The following ARHGEF2 variants were observed in gnomAD, a reference collection of about 807,000 sequenced individuals.
The protein encoded by ARHGEF2 is rho guanine nucleotide exchange factor 2.
ARHGEF2 carries 22 observed loss-of-function variants against 121.0 expected under a neutral mutation model. The ratio of observed to expected loss-of-function variants is 0.18; its 90% CI spans 0.13 to 0.26. ARHGEF2 has a LOEUF of 0.26. ARHGEF2 is among the 10% of genes least tolerant of loss of function. The pLI, the probability that ARHGEF2 is intolerant of heterozygous loss-of-function variation, is 1.00. For missense variants in ARHGEF2, 907 were observed against 1,336.0 expected (o/e 0.68, Z 5.01); for synonymous variants, 487 against 530.0 (o/e 0.92, Z 1.11).
In ARHGEF2 at chr1:155,948,007, T is replaced by C; in HGVS notation, c.2896A>G (p.Arg966Gly). The C allele has an allele frequency of 6.4e-7, 1 of 1,551,184 alleles. No homozygotes were observed. The highest frequency in any genetic ancestry group is 8.7e-7 in the Non-Finnish European group (1 of 1,146,716). ...GTCTCCTCCGGGATGTCCTGCATTC[T>C]GGTAAAGTCTGAAGGGGGACAGGAC... ...SPPHSPRDFT[R>G]MQDIPEETES... The change falls in exon 22 of 22, where the codon AGA becomes GGA. Residue 966 changes from arginine (R) to glycine (G), a missense_variant. Around this residue, in one of 2 missense-constraint regions of ARHGEF2, gnomAD observed 432 missense variants for 559.5 expected, o/e 0.77. Transcript: ENST00000361247.
intron 2 of ARHGEF2, chr1:155,968,202 CTT>C (rs11291941): frequency 3.2e-3 from 408 of 126,800 alleles, no homozygotes; most frequent in Middle Eastern, 4.2e-3. Flanking sequence ...TCTTTTCTTT[CTT>C]TTTTTTTTTT....
At position 155,963,036 on chromosome 1, in the gene ARHGEF2, G is replaced by C; in HGVS notation, c.872C>G (p.Thr291Arg). The part of the protein sequence containing the change: ...PCVDELSDIH[T>R]RFLSQLLERR... ...TTCTAATAGCTGGCTGAGGAAGCGT[G>C]TATGGATGTCACTGAGCTCGTCCAC... The change falls in exon 8 of 22, where the codon ACA becomes AGA. Residue 291 changes from threonine to arginine, a missense_variant. Physicochemically the swap from Thr to Arg is moderately conservative, Grantham distance 71. Coordinates refer to ENST00000361247, the MANE Select transcript of ARHGEF2 (RefSeq NM_001162383.2). 1 of 1,614,186 alleles carries C rather than the reference G, an allele frequency of 6.2e-7. No homozygotes were observed. Among genetic ancestry groups the C allele is most frequent in the Non-Finnish European group, 8.5e-7 (1 of 1,180,044 alleles).
intron 13 of ARHGEF2, 31 bp downstream of exon 13, chr1:155,957,682 A>G (rs1444965458): frequency 6.3e-7 from 1 of 1,588,144 alleles, no homozygotes; most frequent in African/African-American, 1.3e-5. Flanking sequence ...CTGAGGTCAT[A>G]AGCACATGCA....
intron 7 of ARHGEF2, among the ~76,000 whole-genome samples, chr1:155,964,196 A>G (rs1490817243): frequency 1.6e-5 from 2 of 123,676 alleles, no homozygotes; most frequent in South Asian, 2.6e-4. Flanking sequence ...ATATATATAT[A>G]TACATATATA....
chr1:155,949,823 G>C (rs548636275), intron 21 of ARHGEF2, among the ~76,000 whole-genome samples: 1 of 151,984 alleles, frequency 6.6e-6, no homozygotes, highest in Admixed American at 6.6e-5. Context: ...GTTGCAGTGA[G>C]CCAAGATCAC....
Position 155,978,435 on chromosome 1 carries a change from C to T in ARHGEF2, c.-8G>A, listed in dbSNP as rs773051098. ...GGATTCGATCCGAGACATAATCGGA[C>T]GGGGGGACCAGGGAGGACGCGGCGC... is the stretch of plus-strand genomic sequence containing the variant. On this transcript the variant is annotated 5_prime_UTR_variant, in exon 1 of 22. Coordinates refer to ENST00000361247, the MANE Select transcript of ARHGEF2 (RefSeq NM_001162383.2). This position sits in a 1 kb window ranked among gnomAD's most constrained non-coding sequence, Gnocchi z 4.1. The T allele has an allele frequency of 1.3e-6, 2 of 1,489,160 alleles. No individual in the cohort carries two copies. Among genetic ancestry groups the T allele is most frequent in the East Asian group, 2.6e-5 (1 of 37,952 alleles). 92.2% of individuals were successfully genotyped at this position (1,489,160 alleles called of 1,614,324 possible). A position where few individuals can be genotyped will look rare whatever the true frequency, so the allele number is the denominator to read the frequency against.
At chr1:155,948,615 A>G (rs1674770286) in intron 21 of ARHGEF2, among the ~76,000 whole-genome samples, 1 of 152,072 alleles carries the variant, frequency 6.6e-6, no homozygotes, top group Non-Finnish European at 1.5e-5. Flanking sequence ...TGGGTGACAG[A>G]GCAAAACTGT....
intron 7 of ARHGEF2, 137 bp from the exon 8 acceptor site, chr1:155,963,320 A>G: frequency 1.5e-6 from 1 of 683,140 alleles, no homozygotes; most frequent in Non-Finnish European, 2.3e-6. Context: ...TTATGATCTT[A>G]GATACTTTTC....
At position 155,946,968 on chromosome 1, in the gene ARHGEF2, T is replaced by G. The variant is rs555573983; in HGVS notation, c.*974A>C. On this transcript the variant is annotated 3_prime_UTR_variant, in exon 22 of 22. Coordinates refer to ENST00000361247, the MANE Select transcript of ARHGEF2 (RefSeq NM_001162383.2). ...CGACATTTGGGGGCAAGGGTTCCAC[T>G]GAAAAATCCCCCAAATTCACGCTGA... 6.5e-6 allele frequency: 1 copy of G among 153,394 alleles called. No individual in the cohort carries two copies. The highest frequency in any genetic ancestry group is 2.0e-4 in the South Asian group (1 of 5,100). The allele number at this position is 153,394 out of a possible 1,614,324, so 9.5% of individuals were successfully genotyped here.
At chr1:155,972,883 T>C (rs1680712189) in intron 1 of ARHGEF2, among the ~76,000 whole-genome samples, 1 of 151,916 alleles carries the variant, frequency 6.6e-6, no homozygotes, top group Non-Finnish European at 1.5e-5. Flanking sequence ...TAAATTTTTT[T>C]TGTAGAGACA....
upstream of ARHGEF2, chr1:155,978,672 T>TTG: frequency 9.5e-7 from 1 of 1,056,452 alleles, no homozygotes. This position sits in a 1 kb window ranked among gnomAD's most constrained non-coding sequence, Gnocchi z 4.1. Context: ...ACGCCAGGGT[T>TTG]TGTGTGGGGG....
chr1:155,969,604 C>T (rs1458437467), intron 1 of ARHGEF2: 1 of 1,226,454 alleles, frequency 8.2e-7, no homozygotes, highest in Non-Finnish European at 1.0e-6. Flanking sequence ...CGTCCTCACT[C>T]CACCTTCCCA....
chr1:155,962,045 G>A lies in ARHGEF2; in HGVS notation c.1219+60C>T. On this transcript the variant is annotated intron_variant, in intron 10 of 21. Transcript: ENST00000361247. This position sits in a 1 kb window ranked among gnomAD's most constrained non-coding sequence, Gnocchi z 5.8. ...CCCACCCTTCCTGTGGTCATACCGA[G>A]CCTTTCCTCACCCCAGGTGGCCGTC... 6.2e-7 allele frequency: 1 copy of A among 1,607,654 alleles called. No individual in the cohort carries two copies. Among genetic ancestry groups the A allele is most frequent in the African/African-American group, 1.3e-5 (1 of 74,908 alleles).
At chr1:155,972,952 C>T (rs749914516) in intron 1 of ARHGEF2, among the ~76,000 whole-genome samples, 31 of 152,014 alleles carry the variant, frequency 2.0e-4, no homozygotes, top group Non-Finnish European at 4.3e-4. Flanking sequence ...GATCCTCCTG[C>T]CCCAGCCTCC....
rs766281258 is a variant in ARHGEF2, at chr1:155,978,437, G to A, written c.-10C>T. 1.3e-6 allele frequency: 2 copies of A among 1,488,202 alleles called. No individual in the cohort carries two copies. The highest frequency in any genetic ancestry group is 2.1e-5 in the Admixed American group (1 of 46,990). 92.2% of individuals were successfully genotyped at this position (1,488,202 alleles called of 1,614,324 possible). A position where few individuals can be genotyped will look rare whatever the true frequency, so the allele number is the denominator to read the frequency against. On this transcript the variant is annotated 5_prime_UTR_variant, in exon 1 of 22. Transcript: ENST00000361247. The surrounding 1 kb of genome is among the most constrained non-coding windows in gnomAD (Gnocchi z 4.1). Reference sequence around the variant, plus strand: ...ATTCGATCCGAGACATAATCGGACGGGGGGACCAGGGAGGACGCGGCGCGG... The same window carrying A: ...ATTCGATCCGAGACATAATCGGACGAGGGGACCAGGGAGGACGCGGCGCGG...
intron 1 of ARHGEF2, among the ~76,000 whole-genome samples, chr1:155,971,240 G>A (rs1680393587): frequency 2.0e-5 from 3 of 152,148 alleles, no homozygotes; most frequent in Middle Eastern, 3.4e-3. Flanking sequence ...TGCTCCCTTT[G>A]GTCTAACCTC....
chr1:155,978,129 C>T lies in ARHGEF2; in HGVS notation c.63+236G>A, dbSNP rs1010904201. ...TCCCGCCGGCTTGGAGGCGACCAAG[C>T]CCAGGTCCGCTCCGCTCCCTCCCGG... On this transcript the variant is annotated intron_variant, in intron 1 of 21. Transcript: ENST00000361247. The surrounding 1 kb of genome is among the most constrained non-coding windows in gnomAD (Gnocchi z 4.1). 1.6e-5 allele frequency: 20 copies of T among 1,264,322 alleles called. No homozygotes were observed. The highest frequency in any genetic ancestry group is 2.0e-5 in the Non-Finnish European group (20 of 999,232). The allele number at this position is 1,264,322 out of a possible 1,614,324, so 78.3% of individuals were successfully genotyped here. A position where few individuals can be genotyped will look rare whatever the true frequency, so the allele number is the denominator to read the frequency against.
chr1:155,978,698 C>A, upstream of ARHGEF2: 4 of 927,670 alleles, frequency 4.3e-6, no homozygotes, highest in Non-Finnish European at 5.6e-6. This position sits in a 1 kb window ranked among gnomAD's most constrained non-coding sequence, Gnocchi z 4.1. Context: ...CGGAGAGGTA[C>A]GAGGGTCCTA....
chr1:155,950,474 T>C lies in ARHGEF2; in HGVS notation c.2712A>G (p.Arg904=), dbSNP rs759325833. 6.2e-7 allele frequency: 1 copy of C among 1,613,638 alleles called. No individual in the cohort carries two copies. The highest frequency in any genetic ancestry group is 8.5e-7 in the Non-Finnish European group (1 of 1,180,002). ...YLSFNPPQPS[R]GTDRLDLPVT... ...CAGGTAGATCCAGGCGGTCAGTGCC[T>C]CGGCTGGGCTGTGGACAGTGGGCAG... Residue 904 remains arginine, a synonymous_variant, in exon 21 of 22, where the codon CGA becomes CGG. Coordinates refer to ENST00000361247, the MANE Select transcript of ARHGEF2 (RefSeq NM_001162383.2). This position sits in a 1 kb window ranked among gnomAD's most constrained non-coding sequence, Gnocchi z 5.2.
Sources: allele counts gnomAD v4.1 joint callset (sites outside exome capture counted in the v4.1 genomes callset), GRCh38; gene constraint gnomAD v4.1.1; regional missense constraint gnomAD v4.1.1; non-coding constraint Gnocchi (gnomAD v3.1); transcripts MANE v1.5; gene names NCBI Gene and HGNC (gene_info 2026-07-23, HGNC 2026-07-21).